The following NCALD variants were observed in gnomAD, a reference collection of about 807,000 sequenced individuals.
The protein encoded by NCALD is neurocalcin delta, also known as neurocalcin-delta.
NCALD carries 10 observed loss-of-function variants against 18.6 expected under a neutral mutation model. The observed-to-expected ratio is 0.54, with a 90% CI of 0.33 to 0.91. The LOEUF is 0.91. NCALD is among the 40% of genes least tolerant of loss of function. The probability of loss-of-function intolerance (pLI) is 0.03; values close to 1 mark genes in which losing one functional copy is unlikely to be tolerated. For missense variants in NCALD, 184 were observed against 247.6 expected (o/e 0.74, Z 1.72); for synonymous variants, 88 against 87.4 (o/e 1.01, Z -0.04).
At chr8:101,789,092 A>G (rs1261170674) in intron 1 of NCALD, 1 of 152,232 alleles carries the variant, frequency 6.6e-6, no homozygotes, top group African/African-American at 2.4e-5. Context: ...TCATAGAGAC[A>G]GCACCAAGAA....
Position 101,882,567 on chromosome 8 carries a change from G to A in NCALD, c.-20+4574C>T, listed in dbSNP as rs180696596. 2.0e-4 allele frequency among the ~76,000 whole-genome samples: 31 copies of A among 152,284 alleles called. No homozygotes were observed. In the East Asian group the frequency reaches 3.5e-3, roughly 17 times the overall value. ...TTTATGATATTTTGTTATAGCAGCCGAAGCAGACTAAGACAGCATATGTAG... is the reference window on the plus strand; with the variant it reads ...TTTATGATATTTTGTTATAGCAGCCAAAGCAGACTAAGACAGCATATGTAG... On this transcript the variant is annotated intron_variant, in intron 4 of 6. Coordinates refer to the NCALD transcript ENST00000311028.
chr8:101,730,251 G>C (rs1816757993), intron 1 of NCALD, among the ~76,000 whole-genome samples: 1 of 151,994 alleles, frequency 6.6e-6, no homozygotes, highest in Admixed American at 6.5e-5. Context: ...GGAGGCCGAG[G>C]CGGGCAGATC....
At chr8:101,692,161 A>G (rs1339201622) in intron 3 of NCALD, 1 of 985,222 alleles carries the variant, frequency 1.0e-6, no homozygotes, top group Non-Finnish European at 1.2e-6. Context: ...AAGATCTAAA[A>G]TCCTTCTGTT....
At chr8:101,770,820 G>C (rs971276178) in intron 1 of NCALD, among the ~76,000 whole-genome samples, 1 of 152,052 alleles carries the variant, frequency 6.6e-6, no homozygotes, top group African/African-American at 2.4e-5. Flanking sequence ...ATCTTTATGC[G>C]GGTTGAAGAC....
chr8:101,757,210 T>C (rs1198382218), intron 1 of NCALD, among the ~76,000 whole-genome samples: 2 of 152,206 alleles, frequency 1.3e-5, no homozygotes, highest in African/African-American at 4.8e-5. Flanking sequence ...ACATTTTCCA[T>C]TATTCACTAG....
chr8:101,842,986 T>C (rs999690219), intron 4 of NCALD, among the ~76,000 whole-genome samples: 2 of 152,114 alleles, frequency 1.3e-5, no homozygotes, highest in Middle Eastern at 3.2e-3. Context: ...AAAAAAGCAG[T>C]TTTTGTACAC....
intron 1 of NCALD, among the ~76,000 whole-genome samples, chr8:102,061,649 A>T (rs762574592): frequency 5.9e-5 from 9 of 152,162 alleles, no homozygotes; most frequent in Admixed American, 5.2e-4. Flanking sequence ...ATAAAAATGA[A>T]CTTTTGCAGT....
chr8:102,057,133 C>A (rs561507182), intron 1 of NCALD, among the ~76,000 whole-genome samples: 1 of 152,266 alleles, frequency 6.6e-6, no homozygotes, highest in East Asian at 1.9e-4. Flanking sequence ...TTTGTGGGCA[C>A]CTCATGGTAA....
intron 2 of NCALD, among the ~76,000 whole-genome samples, chr8:101,948,595 G>A (rs1185728826): frequency 6.6e-6 from 1 of 152,210 alleles, no homozygotes; most frequent in Non-Finnish European, 1.5e-5. Flanking sequence ...AGTAGCAACT[G>A]CTCAGGGAGA....
chr8:102,026,695 T>C (rs2860153), intron 1 of NCALD, among the ~76,000 whole-genome samples: 35,804 of 152,056 alleles, frequency 0.24, 4,512 homozygotes, highest in East Asian at 0.36. Flanking sequence ...GTCTGAAGAA[T>C]GGTGGCTCTC....
chr8:102,120,068 G>C (rs1320320384), intron 1 of NCALD, among the ~76,000 whole-genome samples: 1 of 152,174 alleles, frequency 6.6e-6, no homozygotes, highest in Non-Finnish European at 1.5e-5. Flanking sequence ...ATTCTACTAA[G>C]TGCATAAATT....
At chr8:101,850,634 T>C (rs1338588628) in intron 4 of NCALD, among the ~76,000 whole-genome samples, 9 of 152,166 alleles carry the variant, frequency 5.9e-5, no homozygotes, top group South Asian at 2.1e-4. Context: ...AGGTAGAAGA[T>C]ATAGAACATT....
At chr8:101,824,364 G>A (rs956619967) in intron 4 of NCALD, among the ~76,000 whole-genome samples, 40 of 152,214 alleles carry the variant, frequency 2.6e-4, no homozygotes, top group Non-Finnish European at 2.6e-4. Context: ...ACAGCTTCCA[G>A]GATTACAGAG....
Position 101,691,106 on chromosome 8 carries a change from C to A in NCALD, c.484+1685G>T, listed in dbSNP as rs577977506. On this transcript the variant is annotated intron_variant, in intron 3 of 3. Coordinates refer to ENST00000220931, the MANE Select transcript of NCALD (RefSeq NM_032041.3). ...CTCTAGGTGAGGACTGCTCTGCTCT[C>A]GGCAGGGAGGGGTGCAGGTGTCCTC... The A allele has an allele frequency of 3.2e-5, 32 of 985,326 alleles. No individual in the cohort carries two copies. The African/African-American group carries it at 5.1e-4, about 16-fold the overall frequency. The allele number at this position is 985,326 out of a possible 1,614,324, so 61.0% of individuals were successfully genotyped here. A position where few individuals can be genotyped will look rare whatever the true frequency, so the allele number is the denominator to read the frequency against.
At chr8:101,729,738 A>G (rs1816732949) in intron 1 of NCALD, among the ~76,000 whole-genome samples, 1 of 152,174 alleles carries the variant, frequency 6.6e-6, no homozygotes, top group African/African-American at 2.4e-5. Flanking sequence ...AGGTGAGCAG[A>G]GGTTATAGTC....
intron 1 of NCALD, among the ~76,000 whole-genome samples, chr8:102,048,482 G>A (rs906508245): frequency 6.6e-6 from 1 of 152,082 alleles, no homozygotes; most frequent in African/African-American, 2.4e-5. Flanking sequence ...CTGGAATGGG[G>A]GTTCACAGCC....
intron 4 of NCALD, among the ~76,000 whole-genome samples, chr8:101,833,675 C>A (rs1434329488): frequency 6.8e-6 from 1 of 146,586 alleles, no homozygotes; most frequent in Non-Finnish European, 1.5e-5. Flanking sequence ...ACAATTAACC[C>A]CCCAGCTCGG....
intron 1 of NCALD, among the ~76,000 whole-genome samples, chr8:101,775,559 A>G (rs60232281): frequency 0.061 from 9,317 of 152,168 alleles, 605 homozygotes; most frequent in East Asian, 0.36. Context: ...TTCTGATGCC[A>G]GTGACTGGAG....
intron 2 of NCALD, among the ~76,000 whole-genome samples, chr8:101,713,487 G>A (rs968674969): frequency 3.6e-3 from 29 of 8,128 alleles, no homozygotes; most frequent in Admixed American, 0.031. Context: ...AAGGAATCAA[G>A]GAACTGTTTT....
Sources: gnomAD v4.1 joint callset for allele counts (sites outside exome capture counted in the v4.1 genomes callset) on GRCh38, gnomAD v4.1.1 for gene constraint, MANE v1.5 for transcripts, NCBI Gene and HGNC (gene_info 2026-07-23, HGNC 2026-07-21) for gene names.